PDE10A: variants seen among roughly 807,000 people sequenced by gnomAD.
PDE10A encodes the protein cAMP and cAMP-inhibited cGMP 3',5'-cyclic phosphodiesterase 10A.
Under a neutral mutation model 97.7 loss-of-function variants are expected in PDE10A, and 39 were observed. That is an observed-to-expected ratio of 0.40 (90% CI 0.31 to 0.52). The LOEUF (loss-of-function observed/expected upper bound fraction) is 0.52. Ranked by LOEUF, PDE10A falls within the 20% of genes least tolerant of loss-of-function variation. The pLI, the probability that PDE10A is intolerant of heterozygous loss-of-function variation, is 0.56. For missense variants in PDE10A, 731 were observed against 1,047.8 expected (o/e 0.70, Z 4.17); for synonymous variants, 371 against 376.8 (o/e 0.98, Z 0.18).
intron 1 of PDE10A, among the ~76,000 whole-genome samples, chr6:165,861,600 G>A (rs1213984228): frequency 6.6e-6 from 1 of 152,024 alleles, no homozygotes; most frequent in Non-Finnish European, 1.5e-5. Context: ...AGAGAATGGT[G>A]TGATCCAACA....
chr6:165,839,793 C>T (rs1780171234), intron 1 of PDE10A, among the ~76,000 whole-genome samples: 2 of 2,790 alleles, frequency 7.2e-4, no homozygotes, highest in Admixed American at 7.5e-3. Flanking sequence ...TGTCTCCATC[C>T]CCATCCCCTT....
Position 165,826,091 on chromosome 6 carries a change from GC to G in PDE10A, c.-615+161437del, listed in dbSNP as rs1779733847. 2.6e-5 allele frequency among the ~76,000 whole-genome samples: 4 copies of G among 152,312 alleles called. No homozygotes were observed. The South Asian group carries it at 8.3e-4, about 32-fold the overall frequency. On this transcript the variant is annotated intron_variant, in intron 1 of 19. Coordinates refer to the PDE10A transcript ENST00000366882. ...TGGCAGAACAGCTTTCTGTGTCCCA[GC>G]CTCAGCTTGGACACTTCCTGCTTTT... is the stretch of plus-strand genomic sequence containing the variant.
intron 5 of PDE10A, among the ~76,000 whole-genome samples, chr6:165,444,901 T>C (rs1790729932): frequency 6.6e-6 from 1 of 152,156 alleles, no homozygotes; most frequent in Admixed American, 6.5e-5. Flanking sequence ...AATTCTTTCT[T>C]TTTTTAACCC....
chr6:165,790,906 C>T (rs1778630586), intron 1 of PDE10A, among the ~76,000 whole-genome samples: 1 of 152,118 alleles, frequency 6.6e-6, no homozygotes, highest in African/African-American at 2.4e-5. Flanking sequence ...GAATACAATG[C>T]ATTACCGTTG....
In PDE10A at chr6:165,648,154, A is replaced by G. The variant is rs1010679298; in HGVS notation, c.865+13793T>C. Among the ~76,000 whole-genome samples, 3 of 152,102 alleles carry G rather than the reference A, an allele frequency of 2.0e-5. No individual in the cohort carries two copies. In the East Asian group the frequency reaches 5.8e-4, roughly 29 times the overall value. ...CAGCCTCCCGAGTAGCTGGGACTAT[A>G]GGCGCCCACCACCACGCCCAGCTAA... On this transcript the variant is annotated intron_variant, in intron 1 of 21. Coordinates refer to ENST00000539869, the MANE Select transcript of PDE10A (RefSeq NM_001385079.1).
At chr6:165,907,667 A>T (rs2500480) in intron 1 of PDE10A, among the ~76,000 whole-genome samples, 107,820 of 152,086 alleles carry the variant, frequency 0.71, 38,746 homozygotes, top group East Asian at 0.94. Flanking sequence ...ATCCAGCAAG[A>T]AGGAGGAATA....
intron 10 of PDE10A, among the ~76,000 whole-genome samples, chr6:165,420,007 T>C (rs1788582153): frequency 1.3e-5 from 2 of 152,216 alleles, no homozygotes; most frequent in African/African-American, 4.8e-5. Context: ...AAACAAATAC[T>C]GGCTGTGCCC....
chr6:165,794,530 TCACA>T (rs749045431), intron 1 of PDE10A, among the ~76,000 whole-genome samples: 1 of 151,318 alleles, frequency 6.6e-6, no homozygotes, highest in Non-Finnish European at 1.5e-5. Flanking sequence ...TCGCACACCC[TCACA>T]CACACTCATT....
intron 3 of PDE10A, among the ~76,000 whole-genome samples, chr6:165,454,548 G>T (rs1436730069): frequency 6.6e-6 from 1 of 152,082 alleles, no homozygotes. Context: ...TCAGCAGTGG[G>T]TTTCTGAATA....
intron 1 of PDE10A, among the ~76,000 whole-genome samples, chr6:165,771,510 C>A (rs1778008245): frequency 6.6e-6 from 1 of 152,110 alleles, no homozygotes; most frequent in Non-Finnish European, 1.5e-5. Flanking sequence ...CTGGGAAGGA[C>A]ACAGAAAATC....
Position 165,972,304 on chromosome 6 carries a change from C to T in PDE10A, c.-615+15225G>A, listed in dbSNP as rs552078706. 4.6e-5 allele frequency among the ~76,000 whole-genome samples: 7 copies of T among 151,952 alleles called. 1 individual carries two copies. In the South Asian group the frequency reaches 1.0e-3, roughly 23 times the overall value. The stretch of plus-strand genomic sequence containing the variant: ...GCGGTACCAGCAGGGTGGCCACCTG[C>T]GCAGGTGGACGGGGATTCTGCCCCT... On this transcript the variant is annotated intron_variant, in intron 1 of 19. Coordinates refer to the PDE10A transcript ENST00000366882.
chr6:165,333,007 T>C lies in PDE10A; in HGVS notation c.*18A>G, dbSNP rs1283492136. The C allele has an allele frequency of 8.0e-7, 1 of 1,257,854 alleles. No individual in the cohort carries two copies. Among genetic ancestry groups the C allele is most frequent in the Admixed American group, 1.9e-5 (1 of 53,838 alleles). The allele number at this position is 1,257,854 out of a possible 1,614,324, so 77.9% of individuals were successfully genotyped here. ...ATGAGGATCTGTAGGTGGGACAGCG[T>C]GTCAGGGTGACCAGTGCTCAATCTT... On this transcript the variant is annotated 3_prime_UTR_variant, in exon 22 of 22. Coordinates refer to ENST00000539869, the MANE Select transcript of PDE10A (RefSeq NM_001385079.1).
At chr6:165,532,683 C>G (rs533138248) in intron 2 of PDE10A, among the ~76,000 whole-genome samples, 1 of 152,116 alleles carries the variant, frequency 6.6e-6, no homozygotes, top group Non-Finnish European at 1.5e-5. Context: ...TGGGGTGAGA[C>G]CCGACCCATG....
chr6:165,829,728 T>C (rs1779857390), intron 1 of PDE10A, among the ~76,000 whole-genome samples: 1 of 152,240 alleles, frequency 6.6e-6, no homozygotes, highest in African/African-American at 2.4e-5. Flanking sequence ...TTTTCCCCAA[T>C]GCTTCCTCTG....
intron 3 of PDE10A, among the ~76,000 whole-genome samples, chr6:165,453,113 T>G (rs536822315): frequency 1.3e-5 from 2 of 152,128 alleles, no homozygotes; most frequent in Non-Finnish European, 2.9e-5. Context: ...CAGGGCTATA[T>G]AGAAAGCAGA....
chr6:165,825,174 A>G (rs950113489), intron 1 of PDE10A, among the ~76,000 whole-genome samples: 16 of 151,384 alleles, frequency 1.1e-4, no homozygotes, highest in African/African-American at 3.2e-4. Context: ...AAAAAGAAAA[A>G]AAAAGAAAGG....
chr6:165,424,210 C>G (rs373408666), intron 10 of PDE10A, among the ~76,000 whole-genome samples: 1 of 152,144 alleles, frequency 6.6e-6, no homozygotes. Context: ...ACGTTAGATC[C>G]CATCACAAGC....
At chr6:165,625,123 CTTCA>C (rs60394273) in intron 1 of PDE10A, among the ~76,000 whole-genome samples, 29,264 of 152,134 alleles carry the variant, frequency 0.19, 4,232 homozygotes, top group African/African-American at 0.41. Flanking sequence ...AGCCAGCCTT[CTTCA>C]TTCAGGGCAA....
chr6:165,916,313 C>A (rs1211107195), intron 1 of PDE10A, among the ~76,000 whole-genome samples: 3 of 152,216 alleles, frequency 2.0e-5, no homozygotes, highest in Non-Finnish European at 4.4e-5. Context: ...TCCACACGTT[C>A]TTCTCTGCTA....
Sources: allele counts gnomAD v4.1 joint callset (sites outside exome capture counted in the v4.1 genomes callset), GRCh38; gene constraint gnomAD v4.1.1; transcripts MANE v1.5; gene names NCBI Gene and HGNC (gene_info 2026-07-23, HGNC 2026-07-21).